Variants in WDR64 observed in about 807,000 individuals in gnomAD.
WDR64 encodes WD repeat domain 64.
In WDR64, 112 loss-of-function variants were observed where a neutral mutation model predicts 139.3. The observed-to-expected ratio is 0.80, with a 90% CI of 0.69 to 0.94. WDR64 has a LOEUF of 0.94. Ranked by LOEUF, WDR64 falls within the 40% of genes least tolerant of loss-of-function variation. WDR64 has a pLI of 0.00. For missense variants in WDR64, 1,206 were observed against 1,293.1 expected (o/e 0.93, Z 1.03); for synonymous variants, 444 against 437.7 (o/e 1.01, Z -0.18).
intron 24 of WDR64, 132 bp from the exon 25 acceptor site, chr1:241,790,459 A>G (rs1309298004): frequency 8.8e-6 from 6 of 684,956 alleles, no homozygotes; most frequent in African/African-American, 7.2e-5. Context: ...GAGTGTAGAG[A>G]TACTGTCATT....
intron 10 of WDR64, among the ~76,000 whole-genome samples, chr1:241,735,010 G>A (rs955324583): frequency 2.0e-5 from 3 of 152,150 alleles, no homozygotes; most frequent in East Asian, 3.8e-4. Context: ...CTAATTGGAA[G>A]GGAGTGCAAC....
At chr1:241,733,948 GA>G (rs1669192329) in intron 10 of WDR64, among the ~76,000 whole-genome samples, 1 of 152,116 alleles carries the variant, frequency 6.6e-6, no homozygotes, top group South Asian at 2.1e-4. Flanking sequence ...GGGAATAAGT[GA>G]AAGAAGACTA....
At chr1:241,669,823 T>C (rs543335810) in intron 2 of WDR64, among the ~76,000 whole-genome samples, 4 of 152,208 alleles carry the variant, frequency 2.6e-5, no homozygotes, top group Non-Finnish European at 5.9e-5. Context: ...TTATTTCCAG[T>C]TCAGTCATTT....
intron 9 of WDR64, among the ~76,000 whole-genome samples, chr1:241,717,523 G>A (rs2148188091): frequency 6.6e-6 from 1 of 151,822 alleles, no homozygotes; most frequent in East Asian, 1.9e-4. Context: ...TAGATGAAGT[G>A]ACTCACCCAA....
chr1:241,695,574 G>A (rs1297706063), intron 8 of WDR64, among the ~76,000 whole-genome samples: 1 of 152,130 alleles, frequency 6.6e-6, no homozygotes, highest in Non-Finnish European at 1.5e-5. Flanking sequence ...GTTAAGAAAA[G>A]GGAGTAATAA....
chr1:241,686,702 A>C (rs1380835036), intron 7 of WDR64, among the ~76,000 whole-genome samples: 1 of 152,186 alleles, frequency 6.6e-6, no homozygotes, highest in Non-Finnish European at 1.5e-5. Context: ...TCTGACAAGG[A>C]ATATTATCAC....
At chr1:241,736,695 A>G (rs1669340358) in intron 10 of WDR64, among the ~76,000 whole-genome samples, 1 of 152,220 alleles carries the variant, frequency 6.6e-6, no homozygotes, top group Admixed American at 6.5e-5. Context: ...AGACCCGAAG[A>G]ACTGCACAAT....
chr1:241,772,968 T>C lies in WDR64; in HGVS notation c.2430+37T>C, dbSNP rs537764570. ...CAGCAAGTCTGGGAATAGGAAAGAA[T>C]GGGAAAGATAAAAAGAATCATTAAA... On this transcript the variant is annotated intron_variant, in intron 20 of 27. Coordinates refer to ENST00000437684, the MANE Select transcript of WDR64 (RefSeq NM_001367482.1). The C allele has an allele frequency of 1.4e-4, 213 of 1,527,054 alleles. 4 individuals carry two copies. In the South Asian group the frequency reaches 2.4e-3, roughly 17 times the overall value. 94.6% of individuals were successfully genotyped at this position (1,527,054 alleles called of 1,614,324 possible). A position where few individuals can be genotyped will look rare whatever the true frequency, so the allele number is the denominator to read the frequency against.
intron 2 of WDR64, among the ~76,000 whole-genome samples, chr1:241,668,101 G>A (rs1175417647): frequency 2.0e-5 from 3 of 152,182 alleles, no homozygotes; most frequent in East Asian, 1.9e-4. Flanking sequence ...AATTGACTTC[G>A]GAAGGTGTTT....
At chr1:241,735,367 A>G (rs1669258334) in intron 10 of WDR64, among the ~76,000 whole-genome samples, 1 of 152,052 alleles carries the variant, frequency 6.6e-6, no homozygotes, top group Admixed American at 6.6e-5. Context: ...GTTGAACGGA[A>G]GTTTTTAATT....
rs772615279 is a variant in WDR64, at chr1:241,723,356, C to G, written c.1114C>G (p.Leu372Val). Residue 372 changes from leucine (L) to valine (V), a missense_variant, in exon 10 of 28, where the codon CTT (leucine) becomes GTT (valine). By Grantham distance (32) the Leu-to-Val change is conservative. Coordinates refer to ENST00000437684, the MANE Select transcript of WDR64 (RefSeq NM_001367482.1). ...TATCAGCACCAAGCCAGTAGGGAAA[C>G]TTGTAGGACACATGTTCAGTATCGC... ...PNISTKPVGK[L>V]VGHMFSIAEI... The G allele has an allele frequency of 6.2e-7, 1 of 1,614,044 alleles. No individual in the cohort carries two copies. Among genetic ancestry groups the G allele is most frequent in the Non-Finnish European group, 8.5e-7 (1 of 1,179,956 alleles).
intron 27 of WDR64, among the ~76,000 whole-genome samples, chr1:241,798,343 T>C (rs768518608): frequency 6.6e-6 from 1 of 152,128 alleles, no homozygotes; most frequent in African/African-American, 2.4e-5. Flanking sequence ...CTAAAAGAAA[T>C]AGTTAAGTGT....
intron 8 of WDR64, among the ~76,000 whole-genome samples, chr1:241,690,637 C>T (rs966068500): frequency 2.6e-5 from 4 of 152,026 alleles, no homozygotes; most frequent in Non-Finnish European, 5.9e-5. Flanking sequence ...TTCTGTATAC[C>T]GTGAAATTAG....
At chr1:241,765,637 C>T (rs6429306) in intron 15 of WDR64, among the ~76,000 whole-genome samples, 148,168 of 152,284 alleles carry the variant, frequency 0.97, 72,093 homozygotes, top group East Asian at 1. Context: ...TGTCAAGTTA[C>T]ATGCGTGCCT....
At chr1:241,792,855 T>A (rs114712844) in intron 25 of WDR64, among the ~76,000 whole-genome samples, 1 of 152,144 alleles carries the variant, frequency 6.6e-6, no homozygotes, top group East Asian at 1.9e-4. Flanking sequence ...CTAGTAAAGA[T>A]GAAAATAGGC....
chr1:241,695,460 T>G (rs1667446941), intron 8 of WDR64, among the ~76,000 whole-genome samples: 1 of 152,170 alleles, frequency 6.6e-6, no homozygotes, highest in Admixed American at 6.5e-5. Context: ...CAGCTGAATA[T>G]TACACATTTA....
intron 27 of WDR64, among the ~76,000 whole-genome samples, chr1:241,797,893 T>C (rs1326432336): frequency 6.6e-6 from 1 of 152,196 alleles, no homozygotes; most frequent in Non-Finnish European, 1.5e-5. Context: ...TTATGTCTAT[T>C]TGCACTCTTA....
At chr1:241,720,132 C>A (rs544810896) in intron 9 of WDR64, among the ~76,000 whole-genome samples, 126 of 152,286 alleles carry the variant, frequency 8.3e-4, no homozygotes, top group African/African-American at 3.0e-3. Flanking sequence ...AGGACATGAT[C>A]TTGTTCCTTT....
chr1:241,767,848 C>A (rs1250711756), intron 16 of WDR64, among the ~76,000 whole-genome samples: 1 of 152,164 alleles, frequency 6.6e-6, no homozygotes, highest in Non-Finnish European at 1.5e-5. Context: ...CCACATACTC[C>A]TGGATCCTGC....
Sources: allele counts gnomAD v4.1 joint callset (sites outside exome capture counted in the v4.1 genomes callset), GRCh38; gene constraint gnomAD v4.1.1; transcripts MANE v1.5; gene names NCBI Gene and HGNC (gene_info 2026-07-23, HGNC 2026-07-21).